Variants in TBC1D4 observed in about 807,000 individuals in gnomAD.
TBC1D4 encodes TBC (Tre-2, BUB2, CDC16) domain-containing protein.
In TBC1D4, 121 loss-of-function variants were observed where a neutral mutation model predicts 142.5. The observed-to-expected ratio is 0.85, with a 90% CI of 0.73 to 0.99. The LOEUF (loss-of-function observed/expected upper bound fraction) is 0.99. TBC1D4 is among the 50% of genes least tolerant of loss of function. The pLI, the probability that TBC1D4 is intolerant of heterozygous loss-of-function variation, is 0.00. For missense variants in TBC1D4, 1,475 were observed against 1,606.6 expected (o/e 0.92, Z 1.40); for synonymous variants, 630 against 628.2 (o/e 1.00, Z -0.04).
chr13:75,451,639 C>T (rs1468758206), intron 1 of TBC1D4, among the ~76,000 whole-genome samples: 2 of 149,816 alleles, frequency 1.3e-5, no homozygotes, highest in Non-Finnish European at 3.0e-5. Flanking sequence ...ATGATTGCAC[C>T]ACTGCACTCC....
In TBC1D4 at chr13:75,481,973, G is replaced by A. The variant is rs535177471; in HGVS notation, c.-206C>T. 5.9e-5 allele frequency: 38 copies of A among 641,212 alleles called. No individual in the cohort carries two copies. The East Asian group carries it at 1.3e-3, about 22-fold the overall frequency. The allele number at this position is 641,212 out of a possible 1,614,324, so 39.7% of individuals were successfully genotyped here. A position where few individuals can be genotyped will look rare whatever the true frequency, so the allele number is the denominator to read the frequency against. On this transcript the variant is annotated 5_prime_UTR_variant, in exon 1 of 21. Transcript: ENST00000377636. ...GCGCGGCTCGGAGGCTCCGGCGGCG[G>A]GCACCGAGGCAAGCGCCCGGCAGGC...
intron 4 of TBC1D4, among the ~76,000 whole-genome samples, chr13:75,353,099 A>T (rs1881749869): frequency 6.6e-6 from 1 of 152,152 alleles, no homozygotes; most frequent in Non-Finnish European, 1.5e-5. Context: ...TCGGATTCTG[A>T]CACAGCTTCA....
intron 1 of TBC1D4, among the ~76,000 whole-genome samples, chr13:75,417,268 C>G (rs1437878267): frequency 1.3e-5 from 2 of 152,158 alleles, no homozygotes; most frequent in Non-Finnish European, 2.9e-5. Context: ...CCTCCTTCTA[C>G]TTCCCAAATC....
Position 75,284,040 on chromosome 13 carries a change from T to G in TBC1D4, c.*2752A>C, listed in dbSNP as rs576319944. Among the ~76,000 whole-genome samples, 7 of 152,192 alleles carry G rather than the reference T, an allele frequency of 4.6e-5. No individual in the cohort carries two copies. The East Asian group carries it at 1.2e-3, about 25-fold the overall frequency. ...CCAGCCTCCTATAAGTAGCAATATATGCCTCTCCTACTCTCCTGAGTAGCT... is the reference window on the plus strand; with the variant it reads ...CCAGCCTCCTATAAGTAGCAATATAGGCCTCTCCTACTCTCCTGAGTAGCT... On this transcript the variant is annotated 3_prime_UTR_variant, in exon 21 of 21. Coordinates refer to ENST00000377636, the MANE Select transcript of TBC1D4 (RefSeq NM_014832.5).
intron 18 of TBC1D4, among the ~76,000 whole-genome samples, chr13:75,293,660 T>C (rs1225207925): frequency 6.6e-6 from 1 of 152,220 alleles, no homozygotes; most frequent in African/African-American, 2.4e-5. Flanking sequence ...CTGGTGAACA[T>C]TTGATTCAGC....
At chr13:75,394,905 CA>C (rs1252183353) in intron 1 of TBC1D4, among the ~76,000 whole-genome samples, 2 of 152,188 alleles carry the variant, frequency 1.3e-5, no homozygotes, top group African/African-American at 4.8e-5. Context: ...CTGCAATGTG[CA>C]AAACCTTGCT....
rs143816183 is a variant in TBC1D4, at chr13:75,385,417, C to T, written c.499-22810G>A. The stretch of plus-strand genomic sequence containing the variant: ...TGGTTCTGCTCACCCTCCTAGATCA[C>T]AATACTAAACAGGTTCTTGCCTGAA... On this transcript the variant is annotated intron_variant, in intron 1 of 20. Coordinates refer to ENST00000377636, the MANE Select transcript of TBC1D4 (RefSeq NM_014832.5). Among the ~76,000 whole-genome samples, 569 of 152,264 alleles carry T rather than the reference C, an allele frequency of 3.7e-3. 1 individual carries two copies. Among genetic ancestry groups the T allele is most frequent in the African/African-American group, 0.012 (506 of 41,554 alleles).
chr13:75,471,056 A>G (rs1012133342), intron 1 of TBC1D4, among the ~76,000 whole-genome samples: 1 of 151,790 alleles, frequency 6.6e-6, no homozygotes, highest in African/African-American at 2.4e-5. Context: ...ATTTTTATAT[A>G]TTCTTTATTC....
At chr13:75,323,529 G>A (rs566992635) in intron 11 of TBC1D4, among the ~76,000 whole-genome samples, 134 of 152,114 alleles carry the variant, frequency 8.8e-4, no homozygotes, top group African/African-American at 3.2e-3. Flanking sequence ...AAATCACTAC[G>A]TCTAATTTTG....
At chr13:75,358,017 G>A (rs73533725) in intron 3 of TBC1D4, among the ~76,000 whole-genome samples, 3,684 of 144,186 alleles carry the variant, frequency 0.026, 160 homozygotes, top group African/African-American at 0.087. Flanking sequence ...TTTTCTTTTA[G>A]CTGCCCAATG....
At chr13:75,359,235 T>C (rs895367430) in intron 3 of TBC1D4, among the ~76,000 whole-genome samples, 1 of 152,218 alleles carries the variant, frequency 6.6e-6, no homozygotes, top group Non-Finnish European at 1.5e-5. Flanking sequence ...ATCTTGTACA[T>C]AATTGGCTGT....
In TBC1D4 at chr13:75,391,452, G is replaced by A. The variant is rs975943104; in HGVS notation, c.499-28845C>T. ...TGACTGCCACATTGCTAAACCCAAC[G>A]GTTAATTCCCAGTCCCTATCATATT... is the stretch of plus-strand genomic sequence containing the variant. On this transcript the variant is annotated intron_variant, in intron 1 of 20. Transcript: ENST00000377636. 3.4e-4 allele frequency among the ~76,000 whole-genome samples: 52 copies of A among 152,066 alleles called. 1 individual carries two copies. The highest frequency in any genetic ancestry group is 1.1e-3 in the African/African-American group (47 of 41,396).
chr13:75,464,377 G>A (rs907493363), intron 1 of TBC1D4, among the ~76,000 whole-genome samples: 8 of 152,220 alleles, frequency 5.3e-5, no homozygotes, highest in African/African-American at 1.7e-4. Flanking sequence ...CCACAAACAT[G>A]AGCATGAGCA....
intron 11 of TBC1D4, among the ~76,000 whole-genome samples, chr13:75,323,939 T>C (rs1375218651): frequency 6.6e-6 from 1 of 151,844 alleles, no homozygotes; most frequent in Non-Finnish European, 1.5e-5. Flanking sequence ...TTAGCATCAG[T>C]TGTGCTAACA....
chr13:75,481,203 CCT>C, intron 1 of TBC1D4, 65 bp downstream of exon 1: 9 of 1,321,588 alleles, frequency 6.8e-6, no homozygotes, highest in African/African-American at 1.4e-5. Flanking sequence ...GGTCCCCGCC[CCT>C]CCCGCCCTGC....
At chr13:75,330,476 C>A (rs973872797) in intron 8 of TBC1D4, among the ~76,000 whole-genome samples, 1 of 152,186 alleles carries the variant, frequency 6.6e-6, no homozygotes, top group Admixed American at 6.5e-5. Context: ...TTTTACACTG[C>A]ATTAGCTCAC....
In TBC1D4 at chr13:75,306,375, A is replaced by T. The variant is rs1350358393; in HGVS notation, c.2690T>A (p.Leu897Ter). 3.1e-6 allele frequency: 5 copies of T among 1,613,390 alleles called. No individual in the cohort carries two copies. Among genetic ancestry groups the T allele is most frequent in the Non-Finnish European group, 4.2e-6 (5 of 1,179,870 alleles). Residue 897 changes from leucine (L) to a stop codon, truncating the protein, a stop_gained, in exon 15 of 21, where the codon TTG becomes TAG. Coordinates refer to ENST00000377636, the MANE Select transcript of TBC1D4 (RefSeq NM_014832.5). LOFTEE classifies it high-confidence loss of function. ...KEVLITWDKKLLNCRAKIRCD... is the reference protein window; with the variant it reads ...KEVLITWDKK The stretch of plus-strand genomic sequence containing the variant: ...TCTGATTTTAGCTCTGCAGTTTAAC[A>T]ACTTCTTATCCCAAGTTATTAAGAC...
chr13:75,349,738 A>C (rs1881451767), intron 4 of TBC1D4, among the ~76,000 whole-genome samples: 1 of 152,212 alleles, frequency 6.6e-6, no homozygotes, highest in African/African-American at 2.4e-5. Flanking sequence ...TTTCTGGATT[A>C]CTTTTAGTGT....
intron 1 of TBC1D4, among the ~76,000 whole-genome samples, chr13:75,414,553 G>A (rs1885830221): frequency 6.6e-6 from 1 of 152,094 alleles, no homozygotes; most frequent in East Asian, 1.9e-4. Flanking sequence ...ATGGGGGGAT[G>A]TTGGTGTTTG....
Sources: allele counts gnomAD v4.1 joint callset (sites outside exome capture counted in the v4.1 genomes callset), GRCh38; gene constraint gnomAD v4.1.1; transcripts MANE v1.5; gene names NCBI Gene and HGNC (gene_info 2026-07-23, HGNC 2026-07-21).